The following GDPD4 variants were observed in gnomAD, a reference collection of about 807,000 sequenced individuals.
The protein encoded by GDPD4 is glycerophosphodiester phosphodiesterase 6.
In GDPD4, 60 loss-of-function variants were observed where a neutral mutation model predicts 67.8. The ratio of observed to expected loss-of-function variants is 0.88; its 90% CI spans 0.72 to 1.10. The LOEUF is 1.10. GDPD4 is among the 50% of genes least tolerant of loss of function. GDPD4 has a pLI of 0.00. For synonymous variants in GDPD4, 212 were observed against 210.9 expected, an observed-to-expected ratio of 1.00 and a Z score of -0.04; for missense variants, 623 against 613.9, an observed-to-expected ratio of 1.01 and a Z score of -0.16.
At chr11:77,273,359 T>A (rs574234924) in intron 5 of GDPD4, among the ~76,000 whole-genome samples, 3 of 152,190 alleles carry the variant, frequency 2.0e-5, no homozygotes, top group Non-Finnish European at 4.4e-5. Context: ...CCTTCCTGGT[T>A]TGAAGACCTG....
At chr11:77,264,186 C>T (rs1959166761) in intron 10 of GDPD4, among the ~76,000 whole-genome samples, 1 of 152,144 alleles carries the variant, frequency 6.6e-6, no homozygotes, top group South Asian at 2.1e-4. Context: ...CATAGGCTTT[C>T]ACTCAGATGC....
At chr11:77,248,051 C>CAAAAAAAAAAAAAAAAAA (rs34252021) in intron 11 of GDPD4, among the ~76,000 whole-genome samples, 1 of 62,712 alleles carries the variant, frequency 1.6e-5, no homozygotes, top group Non-Finnish European at 2.7e-5. Context: ...AACTCCGTCT[C>CAAAAAAAAAAAAAAAAAA]AAAAAAAAAA....
At chr11:77,263,185 G>C (rs935689515) in intron 10 of GDPD4, among the ~76,000 whole-genome samples, 5 of 151,990 alleles carry the variant, frequency 3.3e-5, no homozygotes, top group Non-Finnish European at 7.4e-5. Context: ...CTACACAAAA[G>C]AATAGTGCCA....
rs1009540048 is a variant in GDPD4, at chr11:77,269,124, A to T, written c.479-55T>A. 27 of 1,527,994 alleles carry T rather than the reference A, an allele frequency of 1.8e-5. No homozygotes were observed. In the African/African-American group the frequency reaches 3.4e-4, roughly 19 times the overall value. The allele number at this position is 1,527,994 out of a possible 1,614,324, so 94.7% of individuals were successfully genotyped here. ...GGGAAAAAGAGATAAAGAGGGATGGAAAATCATCCCAAGCAAAGCAGCAGT... is the reference window on the plus strand; with the variant it reads ...GGGAAAAAGAGATAAAGAGGGATGGTAAATCATCCCAAGCAAAGCAGCAGT... On this transcript the variant is annotated intron_variant, in intron 8 of 16. Coordinates refer to ENST00000315938, the MANE Select transcript of GDPD4 (RefSeq NM_182833.3).
intron 10 of GDPD4, among the ~76,000 whole-genome samples, chr11:77,265,831 C>T (rs539741867): frequency 9.9e-5 from 15 of 152,240 alleles, no homozygotes; most frequent in East Asian, 1.9e-4. Flanking sequence ...CTGCCTCCTT[C>T]ACCCCTGGAA....
At chr11:77,224,592 GA>G (rs1357620665) in intron 16 of GDPD4, among the ~76,000 whole-genome samples, 4 of 152,118 alleles carry the variant, frequency 2.6e-5, no homozygotes, top group African/African-American at 9.7e-5. Flanking sequence ...TGAGAAAACA[GA>G]GATGACTTCA....
intron 10 of GDPD4, among the ~76,000 whole-genome samples, chr11:77,264,525 A>G (rs1272525310): frequency 6.6e-6 from 1 of 152,178 alleles, no homozygotes; most frequent in African/African-American, 2.4e-5. Context: ...AGAGTATGGT[A>G]TTCTAATAGC....
intron 1 of GDPD4, among the ~76,000 whole-genome samples, chr11:77,291,225 G>A (rs1265269375): frequency 6.6e-6 from 1 of 152,202 alleles, no homozygotes; most frequent in African/African-American, 2.4e-5. Flanking sequence ...GCAGCAGTAT[G>A]GATGGTACTG....
At chr11:77,266,246 G>A (rs531752305) in intron 10 of GDPD4, among the ~76,000 whole-genome samples, 3 of 152,142 alleles carry the variant, frequency 2.0e-5, no homozygotes, top group East Asian at 1.9e-4. Flanking sequence ...AGTCAACAAC[G>A]GACCTCATAT....
chr11:77,296,022 C>T (rs1402612757), intron 1 of GDPD4, among the ~76,000 whole-genome samples: 3 of 152,008 alleles, frequency 2.0e-5, no homozygotes, highest in Non-Finnish European at 4.4e-5. Context: ...GAGGCCGAGG[C>T]GGGCAGATCA....
At chr11:77,262,606 G>A (rs182171384) in intron 10 of GDPD4, among the ~76,000 whole-genome samples, 5 of 152,078 alleles carry the variant, frequency 3.3e-5, no homozygotes, top group South Asian at 4.2e-4. Context: ...CCCATATTCC[G>A]GTAAAACAGC....
intron 1 of GDPD4, among the ~76,000 whole-genome samples, chr11:77,290,948 A>G (rs1237015004): frequency 1.3e-5 from 2 of 152,240 alleles, no homozygotes; most frequent in Non-Finnish European, 2.9e-5. Flanking sequence ...AGCCCATAAA[A>G]AACAATATGG....
At chr11:77,223,800 A>AGG (rs1186910467) in intron 16 of GDPD4, among the ~76,000 whole-genome samples, 2 of 152,156 alleles carry the variant, frequency 1.3e-5, no homozygotes, top group Admixed American at 6.5e-5. Context: ...CTGCCCCCAG[A>AGG]GGTGGAGTCT....
chr11:77,231,548 AG>A (rs1958454761), intron 14 of GDPD4, among the ~76,000 whole-genome samples: 2 of 152,328 alleles, frequency 1.3e-5, no homozygotes, highest in African/African-American at 4.8e-5. Context: ...TAGGTGTGGA[AG>A]GAAGATTGGT....
intron 15 of GDPD4, among the ~76,000 whole-genome samples, 170 bp from the exon 16 acceptor site, chr11:77,228,086 A>G (rs1185096847): frequency 6.6e-6 from 1 of 152,230 alleles, no homozygotes; most frequent in South Asian, 2.1e-4. Flanking sequence ...TAAAAAGATT[A>G]TGGGCGAGGC....
intron 10 of GDPD4, among the ~76,000 whole-genome samples, chr11:77,267,088 T>C (rs965977033): frequency 2.0e-5 from 3 of 152,322 alleles, no homozygotes; most frequent in Non-Finnish European, 2.9e-5. Flanking sequence ...GTTTTATCTT[T>C]TATATTGTTA....
At chr11:77,249,913 T>C (rs569354834) in intron 11 of GDPD4, among the ~76,000 whole-genome samples, 5 of 152,198 alleles carry the variant, frequency 3.3e-5, no homozygotes, top group Non-Finnish European at 7.3e-5. Flanking sequence ...TAAATTTCCT[T>C]AAGTTCCTCA....
chr11:77,272,549 G>C, intron 5 of GDPD4, among the ~76,000 whole-genome samples: 1 of 152,182 alleles, frequency 6.6e-6, no homozygotes, highest in East Asian at 1.9e-4. Flanking sequence ...GCTGAGGAGG[G>C]TGGATCACCT....
At chr11:77,227,443 A>G (rs1958363971) in intron 16 of GDPD4, among the ~76,000 whole-genome samples, 1 of 152,214 alleles carries the variant, frequency 6.6e-6, no homozygotes, top group South Asian at 2.1e-4. Context: ...TGGCCCAGTG[A>G]TGTCAATGCT....
Sources: gnomAD v4.1 joint callset for allele counts (sites outside exome capture counted in the v4.1 genomes callset) on GRCh38, gnomAD v4.1.1 for gene constraint, MANE v1.5 for transcripts, NCBI Gene and HGNC (gene_info 2026-07-23, HGNC 2026-07-21) for gene names.